The following MAST1 variants were observed in gnomAD, a reference collection of about 807,000 sequenced individuals.
The protein encoded by MAST1 is microtubule-associated serine/threonine-protein kinase 1.
Under a neutral mutation model 124.6 loss-of-function variants are expected in MAST1, and 40 were observed. The ratio of observed to expected loss-of-function variants is 0.32; its 90% CI spans 0.25 to 0.42. The LOEUF is 0.42. Ranked by LOEUF, MAST1 falls within the 10% of genes least tolerant of loss-of-function variation. The probability of loss-of-function intolerance (pLI) is 1.00; values close to 1 mark genes in which losing one functional copy is unlikely to be tolerated. For synonymous variants in MAST1, 938 were observed against 939.4 expected, an observed-to-expected ratio of 1.00 and a Z score of 0.03; for missense variants, 1,558 against 2,181.9, an observed-to-expected ratio of 0.71 and a Z score of 5.70.
chr19:12,860,743 G>T (rs889162340), intron 12 of MAST1, among the ~76,000 whole-genome samples: 5 of 151,806 alleles, frequency 3.3e-5, no homozygotes, highest in Admixed American at 6.6e-5. Context: ...CATAGCTTGC[G>T]GCCCATATAT....
At chr19:12,867,383 C>G in intron 18 of MAST1, 91 bp from the exon 19 acceptor site, 1 of 1,446,414 alleles carries the variant, frequency 6.9e-7, no homozygotes, top group South Asian at 1.2e-5. Context: ...GGGTGGAGTG[C>G]GTTTTGCGGG....
In MAST1 at chr19:12,847,249, G is replaced by C. The variant is rs772678695; in HGVS notation, c.328-41G>C. 7.0e-7 allele frequency: 1 copy of C among 1,418,822 alleles called. No homozygotes were observed. Among genetic ancestry groups the C allele is most frequent in the Admixed American group, 1.8e-5 (1 of 56,734 alleles). 87.9% of individuals were successfully genotyped at this position (1,418,822 alleles called of 1,614,324 possible). ...GCTCAGGGTCCTGAGCTGTTGGGGG[G>C]CCCATGGTGGCTCTGACCCCGGCCC... is the stretch of plus-strand genomic sequence containing the variant. On this transcript the variant is annotated intron_variant, in intron 4 of 25. Coordinates refer to ENST00000251472, the MANE Select transcript of MAST1 (RefSeq NM_014975.3). The surrounding 1 kb of genome is among the most constrained non-coding windows in gnomAD (Gnocchi z 5.5).
intron 12 of MAST1, among the ~76,000 whole-genome samples, chr19:12,859,316 G>A (rs971799941): frequency 6.6e-6 from 1 of 152,120 alleles, no homozygotes; most frequent in Non-Finnish European, 1.5e-5. Context: ...CTGACCTTAA[G>A]TGATCTGCCT....
At position 12,873,391 on chromosome 19, in the gene MAST1, C is replaced by T. The variant is rs1207157542; in HGVS notation, c.3331C>T (p.Leu1111=). ...GAACCTGCTGCATACTAGCCGCTCGCTGTCGTCGCTGAACCGCTCGCTGTC... is the reference window on the plus strand; with the variant it reads ...GAACCTGCTGCATACTAGCCGCTCGTTGTCGTCGCTGAACCGCTCGCTGTC... ...QSNLLHTSRS[L]SSLNRSLSSS... is the part of the protein sequence containing the mutation. The change falls in exon 25 of 26, where the codon CTG becomes TTG. Residue 1111 remains leucine, a synonymous_variant. Transcript: ENST00000251472. 1.2e-6 allele frequency: 2 copies of T among 1,614,056 alleles called. No homozygotes were observed. Among genetic ancestry groups the T allele is most frequent in the Non-Finnish European group, 1.7e-6 (2 of 1,179,994 alleles).
At position 12,854,272 on chromosome 19, in the gene MAST1, C is replaced by T. The variant is rs141931093; in HGVS notation, c.1077+1877C>T. 7.4e-4 allele frequency among the ~76,000 whole-genome samples: 112 copies of T among 152,074 alleles called. 1 individual carries two copies. Among genetic ancestry groups the T allele is most frequent in the African/African-American group, 2.6e-3 (107 of 41,508 alleles). ...CTGAGTAGCTGGGATTATAGGCATG[C>T]GCCACCACACCTGGCTAATTTTGTA... On this transcript the variant is annotated intron_variant, in intron 10 of 25. Coordinates refer to ENST00000251472, the MANE Select transcript of MAST1 (RefSeq NM_014975.3).
At position 12,865,013 on chromosome 19, in the gene MAST1, C is replaced by T. The variant is rs1435281596; in HGVS notation, c.1506-33C>T. ...GAGGCCAGGAGGCAGAATGGACGGG[C>T]CTCATCCCTGAGATCCCCACCTGTG... On this transcript the variant is annotated intron_variant, in intron 13 of 25. Transcript: ENST00000251472. The surrounding 1 kb of genome is among the most constrained non-coding windows in gnomAD (Gnocchi z 7.1). The T allele has an allele frequency of 4.3e-6, 7 of 1,613,544 alleles. No individual in the cohort carries two copies. The highest frequency in any genetic ancestry group is 5.1e-6 in the Non-Finnish European group (6 of 1,179,664).
Position 12,865,549 on chromosome 19 carries a change from C to T in MAST1, c.1804+68C>T. 1.3e-6 allele frequency: 2 copies of T among 1,527,866 alleles called. No individual in the cohort carries two copies. Among genetic ancestry groups the T allele is most frequent in the Non-Finnish European group, 1.8e-6 (2 of 1,136,648 alleles). The allele number at this position is 1,527,866 out of a possible 1,614,324, so 94.6% of individuals were successfully genotyped here. A position where few individuals can be genotyped will look rare whatever the true frequency, so the allele number is the denominator to read the frequency against. On this transcript the variant is annotated intron_variant, in intron 15 of 25. Transcript: ENST00000251472. The surrounding 1 kb of genome is among the most constrained non-coding windows in gnomAD (Gnocchi z 7.1). ...CGGAGAGATGGACAGGCTCAGGGTT[C>T]CAGGGATTTCAAAAGCGACCCCCCA...
At chr19:12,860,744 G>A (rs1235717383) in intron 12 of MAST1, among the ~76,000 whole-genome samples, 1 of 152,008 alleles carries the variant, frequency 6.6e-6, no homozygotes, top group Non-Finnish European at 1.5e-5. Context: ...ATAGCTTGCG[G>A]CCCATATATT....
At position 12,871,066 on chromosome 19, in the gene MAST1, C is replaced by T. The variant is rs748676639; in HGVS notation, c.3157C>T (p.Pro1053Ser). 38 of 1,614,190 alleles carry T rather than the reference C, an allele frequency of 2.4e-5. No homozygotes were observed. The highest frequency in any genetic ancestry group is 3.2e-5 in the Non-Finnish European group (38 of 1,180,040). The stretch of plus-strand genomic sequence containing the variant: ...CAACAAGGTAGCAGTGACCACAACG[C>T]CCTTCGAAAATACCTCTATCCGCAT... ...SGNKVAVTTT[P>S]FENTSIRIGP... The change falls in exon 24 of 26, where the codon CCC becomes TCC. Residue 1053 changes from proline to serine, a missense_variant. By Grantham distance (74) the Pro-to-Ser change is moderately conservative. Coordinates refer to ENST00000251472, the MANE Select transcript of MAST1 (RefSeq NM_014975.3).
Position 12,869,336 on chromosome 19 carries a change from G to A in MAST1, c.3003+41G>A, listed in dbSNP as rs373494699. The A allele has an allele frequency of 4.4e-5, 68 of 1,556,866 alleles. No individual in the cohort carries two copies. In the African/African-American group the frequency reaches 8.7e-4, roughly 20 times the overall value. On this transcript the variant is annotated intron_variant, in intron 22 of 25. Coordinates refer to ENST00000251472, the MANE Select transcript of MAST1 (RefSeq NM_014975.3). Reference sequence around the variant, plus strand: ...TGGAGTCTCCATCACAGAGTGGAGGGTGGTGGGGAAAAGGCCCCTCCAGCT... The same window carrying A: ...TGGAGTCTCCATCACAGAGTGGAGGATGGTGGGGAAAAGGCCCCTCCAGCT...
Position 12,853,166 on chromosome 19 carries a change from T to TAGC in MAST1, c.1077+771_1077+772insAGC, listed in dbSNP as rs1491314385. Reference sequence around the variant, plus strand: ...TGTATTTTTAGTAGAGACTAAAATTTCTCCATGTTGGTCAGGCTGGTTGCA... The same window carrying TAGC: ...TGTATTTTTAGTAGAGACTAAAATTTAGCCTCCATGTTGGTCAGGCTGGTTGCA... On this transcript the variant is annotated intron_variant, in intron 10 of 25. Transcript: ENST00000251472. 3.8e-3 allele frequency among the ~76,000 whole-genome samples: 574 copies of TAGC among 151,594 alleles called. 4 individuals carry two copies. Among genetic ancestry groups the TAGC allele is most frequent in the Middle Eastern group, 6.8e-3 (2 of 294 alleles).
rs34217759 is a variant in MAST1 at position 12,855,940 on chromosome 19, ATT to A, written c.1078-2407_1078-2406del. Among the ~76,000 whole-genome samples, 752 of 137,830 alleles carry A rather than the reference ATT, an allele frequency of 5.5e-3. 4 individuals carry two copies. The highest frequency in any genetic ancestry group is 0.018 in the African/African-American group (693 of 38,104). 90.4% of individuals were successfully genotyped at this position (137,830 alleles called of 152,430 possible). A position where few individuals can be genotyped will look rare whatever the true frequency, so the allele number is the denominator to read the frequency against. Reference sequence around the variant, plus strand: ...GCAAATTCTCCTTGTAATTCTGTCAATTTTTTTTTTTTTTTTGCCATTTTGGT... The same window carrying A: ...GCAAATTCTCCTTGTAATTCTGTCAATTTTTTTTTTTTTTGCCATTTTGGT... On this transcript the variant is annotated intron_variant, in intron 10 of 25. Coordinates refer to ENST00000251472, the MANE Select transcript of MAST1 (RefSeq NM_014975.3).
At position 12,865,216 on chromosome 19, in the gene MAST1, G is replaced by C; in HGVS notation, c.1638+38G>C. 9.4e-6 allele frequency: 15 copies of C among 1,601,988 alleles called. No individual in the cohort carries two copies. Among genetic ancestry groups the C allele is most frequent in the Non-Finnish European group, 1.3e-5 (15 of 1,172,910 alleles). The stretch of plus-strand genomic sequence containing the variant: ...GCATGGGGGTCGCTGAGGGTGGAGT[G>C]ACCCTGCAGGACCTCGGGAACCCAG... On this transcript the variant is annotated intron_variant, in intron 14 of 25. Coordinates refer to ENST00000251472, the MANE Select transcript of MAST1 (RefSeq NM_014975.3). This position sits in a 1 kb window ranked among gnomAD's most constrained non-coding sequence, Gnocchi z 7.1.
chr19:12,867,391 G>A (rs920540095), intron 18 of MAST1, 83 bp from the exon 19 acceptor site: 28 of 1,516,426 alleles, frequency 1.8e-5, no homozygotes, highest in Admixed American at 8.7e-5. Context: ...TGCGTTTTGC[G>A]GGGGATCCAC....
chr19:12,868,903 A>G, intron 21 of MAST1, 54 bp downstream of exon 21: 1 of 1,559,732 alleles, frequency 6.4e-7, no homozygotes, highest in South Asian at 1.2e-5. Context: ...TTGAGGCAGG[A>G]CAGACCAATG....
chr19:12,868,102 GAT>G, intron 20 of MAST1, 125 bp downstream of exon 20: 80 of 539,080 alleles, frequency 1.5e-4, no homozygotes, highest in Non-Finnish European at 1.9e-4. Context: ...TGCAATTTGG[GAT>G]TTTTTTTTTT....
Position 12,852,042 on chromosome 19 carries a change from G to C in MAST1, c.876+7G>C. ...GAGGCTGCTGGAGTGCCTGGTGAGG[G>C]GGCTGGGCATGGGTAGGGGTGGGTT... On this transcript the variant is annotated splice_region_variant and intron_variant, in intron 8 of 25. Coordinates refer to ENST00000251472, the MANE Select transcript of MAST1 (RefSeq NM_014975.3). The C allele has an allele frequency of 6.2e-7, 1 of 1,614,050 alleles. No homozygotes were observed. The highest frequency in any genetic ancestry group is 8.5e-7 in the Non-Finnish European group (1 of 1,180,016).
Position 12,874,183 on chromosome 19 carries a change from G to A in MAST1, c.4026G>A (p.Ala1342=), listed in dbSNP as rs1297855052. Residue 1342 remains alanine, a synonymous_variant, in exon 26 of 26, where the codon GCG becomes GCA. Transcript: ENST00000251472. The surrounding 1 kb of genome is among the most constrained non-coding windows in gnomAD (Gnocchi z 6.6). Reference sequence around the variant, plus strand: ...AGGAGTCACCTTTGAGCCTGGGCGCGGACCCGTTGCTGCCCGAGGGTGCCT... The same window carrying A: ...AGGAGTCACCTTTGAGCCTGGGCGCAGACCCGTTGCTGCCCGAGGGTGCCT... ...GRQESPLSLG[A]DPLLPEGASR... The A allele has an allele frequency of 1.3e-6, 2 of 1,542,316 alleles. No individual in the cohort carries two copies. The highest frequency in any genetic ancestry group is 2.4e-5 in the East Asian group (1 of 40,914).
chr19:12,853,426 C>T (rs1969986245), intron 10 of MAST1, among the ~76,000 whole-genome samples: 3 of 151,644 alleles, frequency 2.0e-5, no homozygotes, highest in Non-Finnish European at 4.4e-5. Flanking sequence ...CGTGGTGGTG[C>T]ACCCCTGTAG....
Sources: allele counts gnomAD v4.1 joint callset (sites outside exome capture counted in the v4.1 genomes callset), GRCh38; gene constraint gnomAD v4.1.1; non-coding constraint Gnocchi (gnomAD v3.1); transcripts MANE v1.5; gene names NCBI Gene and HGNC (gene_info 2026-07-23, HGNC 2026-07-21).